Variants in GRK4 observed in about 807,000 individuals in gnomAD.
GRK4 encodes the protein G protein-coupled receptor kinase 4, also known as G protein-coupled receptor kinase 2-like.
In GRK4, 73 loss-of-function variants were observed where a neutral mutation model predicts 77.9. That is an observed-to-expected ratio of 0.94 (90% CI 0.78 to 1.14). The LOEUF (loss-of-function observed/expected upper bound fraction) is 1.14, where lower values mean the gene tolerates loss of function less well. Ranked by LOEUF, GRK4 falls within the 50% of genes most tolerant of loss-of-function variation. The probability of loss-of-function intolerance (pLI) is 0.00; values close to 1 mark genes in which losing one functional copy is unlikely to be tolerated. For missense variants in GRK4, 729 were observed against 700.2 expected, an observed-to-expected ratio of 1.04 and a Z score of -0.46; for synonymous variants, 257 against 254.4, an observed-to-expected ratio of 1.01 and a Z score of -0.10.
intron 2 of GRK4, among the ~76,000 whole-genome samples, chr4:2,988,092 A>AAAAAAAAG: frequency 6.7e-6 from 1 of 149,344 alleles, no homozygotes; most frequent in African/African-American, 2.5e-5. Flanking sequence ...AAAAAAAAAA[A>AAAAAAAAG]AAAAAAAGAA....
intron 1 of GRK4, among the ~76,000 whole-genome samples, chr4:2,979,298 G>A (rs1019282614): frequency 1.2e-4 from 18 of 151,534 alleles, no homozygotes; most frequent in Non-Finnish European, 2.7e-4. Context: ...CAGCTATTCT[G>A]GAGGCTAAAG....
intron 8 of GRK4, among the ~76,000 whole-genome samples, chr4:3,014,154 T>C (rs971265027): frequency 1.3e-5 from 2 of 152,114 alleles, no homozygotes; most frequent in African/African-American, 4.8e-5. Flanking sequence ...TACCCGTGTT[T>C]CTTGGTGAAT....
chr4:3,029,132 A>C, intron 11 of GRK4, 69 bp from the exon 12 acceptor site: 1 of 1,207,838 alleles, frequency 8.3e-7, no homozygotes, highest in South Asian at 1.4e-5. Context: ...ATACTGTGTT[A>C]CTGGGAATTA....
intron 2 of GRK4, chr4:2,986,965 A>G (rs1314826434): frequency 1.3e-5 from 4 of 316,254 alleles, no homozygotes; most frequent in Non-Finnish European, 1.9e-5. Flanking sequence ...TGAAGATATA[A>G]TTCATATGCC....
intron 1 of GRK4, among the ~76,000 whole-genome samples, chr4:2,974,798 C>T (rs1720616619): frequency 6.6e-6 from 1 of 152,174 alleles, no homozygotes; most frequent in South Asian, 2.1e-4. Flanking sequence ...CTGTTTTATA[C>T]ATTGCTCTGT....
chr4:3,011,436 T>TA (rs1277793481), intron 7 of GRK4, among the ~76,000 whole-genome samples: 1 of 152,158 alleles, frequency 6.6e-6, no homozygotes, highest in Non-Finnish European at 1.5e-5. Context: ...TTAATATAAA[T>TA]AAATACATTA....
chr4:3,016,426 G>A (rs1181098388), intron 8 of GRK4, among the ~76,000 whole-genome samples: 3 of 151,524 alleles, frequency 2.0e-5, no homozygotes, highest in African/African-American at 4.9e-5. Flanking sequence ...GCTGAGACAG[G>A]AGAATTGCTT....
intron 2 of GRK4, 151 bp from the exon 3 acceptor site, chr4:2,988,576 A>AAGCAAAC (rs1725132312): frequency 2.0e-6 from 1 of 500,056 alleles, no homozygotes; most frequent in Non-Finnish European, 3.7e-6. Context: ...TGTCTGAAAC[A>AAGCAAAC]AACAACAACA....
chr4:2,984,421 A>G, intron 1 of GRK4, 92 bp from the exon 2 acceptor site: 2 of 667,194 alleles, frequency 3.0e-6, no homozygotes, highest in Non-Finnish European at 5.4e-6. Flanking sequence ...AACCACTCAA[A>G]CAGAAATGTT....
At chr4:3,034,466 G>A (rs1393123842) in intron 12 of GRK4, among the ~76,000 whole-genome samples, 1 of 152,228 alleles carries the variant, frequency 6.6e-6, no homozygotes, top group Non-Finnish European at 1.5e-5. Flanking sequence ...GGCAGCTGGT[G>A]CCTGTGGTGG....
rs770815721 is a variant in GRK4 at position 3,007,264 on chromosome 4, G to A, written c.444-472G>A. 1.9e-4 allele frequency among the ~76,000 whole-genome samples: 29 copies of A among 152,086 alleles called. 1 individual carries two copies. Among genetic ancestry groups the A allele is most frequent in the Admixed American group, 6.6e-5 (1 of 15,244 alleles). On this transcript the variant is annotated intron_variant, in intron 5 of 15. Transcript: ENST00000398052. ...CTTGGAAGTATTAATGCACTTACCC[G>A]CTCACAGTAACTGTATGAAATAGGC...
At position 2,988,183 on chromosome 4, in the gene GRK4, C is replaced by T. The variant is rs775437596; in HGVS notation, c.149-544C>T. 7.8e-4 allele frequency among the ~76,000 whole-genome samples: 118 copies of T among 151,778 alleles called. 1 individual carries two copies. Among genetic ancestry groups the T allele is most frequent in the Non-Finnish European group, 1.3e-4 (9 of 67,986 alleles). On this transcript the variant is annotated intron_variant, in intron 2 of 15. Transcript: ENST00000398052. The stretch of plus-strand genomic sequence containing the variant: ...AAACCACTGCCCTGTGTTACATTCC[C>T]AGTAGCAATGTGTTCAGTTGCTTCA...
At chr4:2,964,163 A>T in intron 1 of GRK4, 41 bp downstream of exon 1, 1 of 1,385,940 alleles carries the variant, frequency 7.2e-7, no homozygotes, top group Non-Finnish European at 9.8e-7. Context: ...CCCCCAGAGA[A>T]CCCCGAATCC....
intron 4 of GRK4, among the ~76,000 whole-genome samples, chr4:2,992,634 G>C (rs567610649): frequency 2.0e-5 from 3 of 151,694 alleles, no homozygotes; most frequent in Admixed American, 2.0e-4. Context: ...GTGAGCCAAG[G>C]TCATGCCACT....
chr4:2,992,746 C>A (rs151323174), intron 4 of GRK4, among the ~76,000 whole-genome samples: 135 of 151,730 alleles, frequency 8.9e-4, no homozygotes, highest in African/African-American at 3.1e-3. Context: ...TTTGGGAGGC[C>A]GAGGCAGGCA....
intron 4 of GRK4, among the ~76,000 whole-genome samples, chr4:3,001,142 GGTATATA>G (rs1729531765): frequency 9.1e-6 from 1 of 109,440 alleles, no homozygotes; most frequent in African/African-American, 3.6e-5. Flanking sequence ...TATATATATA[GGTATATA>G]TGTGTATGTG....
rs1465412397 is a variant in GRK4 at position 2,963,588 on chromosome 4, G to A, written c.-483G>A. ...TGGGAGCTGTAGTGCCCCGGCCGCG[G>A]CGGCGAGGGGCGCTCCCTCTTCAGC... is the stretch of plus-strand genomic sequence containing the variant. On this transcript the variant is annotated 5_prime_UTR_variant, in exon 1 of 16. Coordinates refer to ENST00000398052, the MANE Select transcript of GRK4 (RefSeq NM_182982.3). The A allele has an allele frequency of 1.1e-5, 5 of 448,992 alleles. No homozygotes were observed. The highest frequency in any genetic ancestry group is 1.9e-5 in the Non-Finnish European group (5 of 257,026). The allele number at this position is 448,992 out of a possible 1,614,324, so 27.8% of individuals were successfully genotyped here.
intron 5 of GRK4, 101 bp from the exon 6 acceptor site, chr4:3,007,635 A>T: frequency 1.6e-6 from 1 of 622,926 alleles, no homozygotes; most frequent in Non-Finnish European, 2.7e-6. Context: ...GTGTGTAATG[A>T]TTGGCTTTCC....
chr4:2,970,119 A>G (rs1241064562), intron 1 of GRK4, among the ~76,000 whole-genome samples: 2 of 152,166 alleles, frequency 1.3e-5, no homozygotes, highest in Non-Finnish European at 2.9e-5. Flanking sequence ...AGGTTACCCC[A>G]TTTTCCCTAA....
Sources: gnomAD v4.1 joint callset for allele counts (sites outside exome capture counted in the v4.1 genomes callset) on GRCh38, gnomAD v4.1.1 for gene constraint, MANE v1.5 for transcripts, NCBI Gene and HGNC (gene_info 2026-07-23, HGNC 2026-07-21) for gene names.